Variants in VAX2 observed in about 807,000 individuals in gnomAD.
VAX2 encodes the protein ventral anterior homeobox 2.
VAX2 carries 8 observed loss-of-function variants against 12.5 expected under a neutral mutation model. The observed-to-expected ratio is 0.64, with a 90% CI of 0.37 to 1.15. The LOEUF is 1.15. VAX2 is among the 50% of genes most tolerant of loss of function. VAX2 has a pLI of 0.01. For missense variants in VAX2, 476 were observed against 412.9 expected (o/e 1.15, Z -1.32); for synonymous variants, 183 against 187.6 (o/e 0.98, Z 0.20).
chr2:70,933,005 C>T lies in VAX2; in HGVS notation c.674C>T (p.Ser225Phe). 1 of 1,599,192 alleles carries T rather than the reference C, an allele frequency of 6.3e-7. No homozygotes were observed. Among genetic ancestry groups the T allele is most frequent in the South Asian group, 1.1e-5 (1 of 89,286 alleles). ...ACCTCCTTAGGTGACCCCAGGAACT[C>T]CTCCCCACGCCTCAACCCGCTGTCC... is the stretch of plus-strand genomic sequence containing the variant. The part of the protein sequence containing the change: ...RGTSLGDPRN[S>F]SPRLNPLSSA... The change falls in exon 3 of 3, where the codon TCC (serine) becomes TTC (phenylalanine). Residue 225 changes from serine to phenylalanine, a missense_variant. By Grantham distance (155) the Ser-to-Phe change is radical (BLOSUM62 -2). Coordinates refer to ENST00000234392, the MANE Select transcript of VAX2 (RefSeq NM_012476.3).
chr2:70,933,445 A>C lies in VAX2; in HGVS notation c.*241A>C. Reference sequence around the variant, plus strand: ...AAAGGAAAACAATGACAAGAAGGGAAATGGTGCCCACAGCACAACTACTTA... The same window carrying C: ...AAAGGAAAACAATGACAAGAAGGGACATGGTGCCCACAGCACAACTACTTA... On this transcript the variant is annotated 3_prime_UTR_variant, in exon 3 of 3. Coordinates refer to ENST00000234392, the MANE Select transcript of VAX2 (RefSeq NM_012476.3). 2.6e-6 allele frequency: 1 copy of C among 388,482 alleles called. No homozygotes were observed. Among genetic ancestry groups the C allele is most frequent in the Non-Finnish European group, 4.5e-6 (1 of 221,154 alleles). 24.1% of individuals were successfully genotyped at this position (388,482 alleles called of 1,614,324 possible). A position where few individuals can be genotyped will look rare whatever the true frequency, so the allele number is the denominator to read the frequency against.
chr2:70,929,808 G>A (rs1209192767), intron 2 of VAX2, among the ~76,000 whole-genome samples: 2 of 144,874 alleles, frequency 1.4e-5, no homozygotes, highest in African/African-American at 5.0e-5. Flanking sequence ...CAAATCATTT[G>A]AGAAACACGG....
At chr2:70,912,415 A>C (rs1679205663) in intron 1 of VAX2, among the ~76,000 whole-genome samples, 1 of 152,144 alleles carries the variant, frequency 6.6e-6, no homozygotes. Flanking sequence ...TAATCCCAGC[A>C]CTTTGGGAGG....
rs200905563 is a variant in VAX2, at chr2:70,932,829, G to A, written c.498G>A (p.Glu166=). ...AGAAAGACCAGAGCAGAGACCTGGA[G>A]AAGCGGGCGTCCTCCTCAGCCTCCG... ...KQKKDQSRDL[E]KRASSSASEA... Residue 166 remains glutamate (E), a synonymous_variant, in exon 3 of 3, where the codon GAG becomes GAA. Coordinates refer to ENST00000234392, the MANE Select transcript of VAX2 (RefSeq NM_012476.3). 7.4e-6 allele frequency: 12 copies of A among 1,612,142 alleles called. No homozygotes were observed. In the Admixed American group the frequency reaches 1.7e-4, roughly 22 times the overall value.
chr2:70,912,336 G>T (rs1247714785), intron 1 of VAX2, among the ~76,000 whole-genome samples: 1 of 152,122 alleles, frequency 6.6e-6, no homozygotes. Flanking sequence ...ATTTGTAGGT[G>T]GGGGCAGGAA....
intron 2 of VAX2, among the ~76,000 whole-genome samples, chr2:70,923,207 CA>C (rs1679498012): frequency 6.6e-6 from 1 of 152,180 alleles, no homozygotes; most frequent in Non-Finnish European, 1.5e-5. Flanking sequence ...GTTCTCACTA[CA>C]ACCCTCCTTC....
In VAX2 at chr2:70,904,713, T is replaced by C. The variant is rs1339958762; in HGVS notation, c.247+3845T>C. Among the ~76,000 whole-genome samples the C allele has an allele frequency of 6.6e-6, 1 of 152,160 alleles. No homozygotes were observed. Among genetic ancestry groups the C allele is most frequent in the African/African-American group, 2.4e-5 (1 of 41,446 alleles). ...CCCCACCACCAGCAGCAAAAACGCT[T>C]TCACCCGGGAGCTGCATGGATGCGC... On this transcript the variant is annotated intron_variant, in intron 1 of 2. Coordinates refer to ENST00000234392, the MANE Select transcript of VAX2 (RefSeq NM_012476.3). This position sits in a 1 kb window ranked among gnomAD's most constrained non-coding sequence, Gnocchi z 4.2.
At chr2:70,927,329 A>G (rs1679596563) in intron 2 of VAX2, among the ~76,000 whole-genome samples, 1 of 151,836 alleles carries the variant, frequency 6.6e-6, no homozygotes, top group Non-Finnish European at 1.5e-5. Flanking sequence ...CCCAGGAGCC[A>G]GGTGGAGAAC....
intron 2 of VAX2, among the ~76,000 whole-genome samples, chr2:70,930,938 G>A (rs1679681447): frequency 6.6e-6 from 1 of 152,190 alleles, no homozygotes; most frequent in South Asian, 2.1e-4. Flanking sequence ...TGTTCCCAGG[G>A]AAACAAGTCT....
chr2:70,906,903 C>A (rs1249328372), intron 1 of VAX2, among the ~76,000 whole-genome samples: 7 of 152,188 alleles, frequency 4.6e-5, no homozygotes, highest in Admixed American at 4.6e-4. Context: ...CAGGCAAAGA[C>A]CACGTAGGAG....
At position 70,904,385 on chromosome 2, in the gene VAX2, A is replaced by G. The variant is rs1464648522; in HGVS notation, c.247+3517A>G. On this transcript the variant is annotated intron_variant, in intron 1 of 2. Coordinates refer to ENST00000234392, the MANE Select transcript of VAX2 (RefSeq NM_012476.3). This position sits in a 1 kb window ranked among gnomAD's most constrained non-coding sequence, Gnocchi z 4.2. ...GGACAACTCTGACCGCAGACTCCCT[A>G]CAACCCCGCGATCGATGCTCCACCT... 6.6e-6 allele frequency among the ~76,000 whole-genome samples: 1 copy of G among 152,182 alleles called. No individual in the cohort carries two copies. The highest frequency in any genetic ancestry group is 1.5e-5 in the Non-Finnish European group (1 of 68,028).
Position 70,912,669 on chromosome 2 carries a change from A to T in VAX2, c.248-8429A>T, listed in dbSNP as rs1336628194. ...AGAGTGAGACTCCGTTTCAAAAAAA[A>T]GTCAGCACATTATCAGCTTATCGTG... is the stretch of plus-strand genomic sequence containing the variant. On this transcript the variant is annotated intron_variant, in intron 1 of 2. Coordinates refer to ENST00000234392, the MANE Select transcript of VAX2 (RefSeq NM_012476.3). Among the ~76,000 whole-genome samples the T allele has an allele frequency of 5.3e-5, 8 of 152,170 alleles. 1 individual carries two copies. The South Asian group carries it at 1.2e-3, about 24-fold the overall frequency.
At chr2:70,903,036 C>T (rs531471884) in intron 1 of VAX2, among the ~76,000 whole-genome samples, 436 of 152,164 alleles carry the variant, frequency 2.9e-3, no homozygotes, top group Non-Finnish European at 4.9e-3. Flanking sequence ...GGGCCTGAAA[C>T]GCTCAGGATG....
At chr2:70,902,768 A>G (rs1332731327) in intron 1 of VAX2, among the ~76,000 whole-genome samples, 1 of 152,208 alleles carries the variant, frequency 6.6e-6, no homozygotes, top group Non-Finnish European at 1.5e-5. Flanking sequence ...AGGTGGGGCC[A>G]CCCAAGCTGG....
intron 1 of VAX2, among the ~76,000 whole-genome samples, chr2:70,913,924 T>G (rs1172653666): frequency 1.3e-5 from 2 of 152,240 alleles, no homozygotes; most frequent in African/African-American, 2.4e-5. Flanking sequence ...TTCTGTAACT[T>G]ACTTTCATAC....
At chr2:70,919,777 T>G (rs974152259) in intron 1 of VAX2, among the ~76,000 whole-genome samples, 1 of 152,158 alleles carries the variant, frequency 6.6e-6, no homozygotes, top group African/African-American at 2.4e-5. Flanking sequence ...GATTGAACCC[T>G]AGAGGTCGAG....
At chr2:70,901,378 A>C (rs1678920821) in intron 1 of VAX2, among the ~76,000 whole-genome samples, 1 of 152,198 alleles carries the variant, frequency 6.6e-6, no homozygotes, top group Non-Finnish European at 1.5e-5. Context: ...CGGATTGCCC[A>C]GGGGAGACGG....
rs200582274 is a variant in VAX2 at position 70,921,241 on chromosome 2, G to A, written c.391G>A (p.Glu131Lys). The A allele has an allele frequency of 7.4e-6, 12 of 1,613,104 alleles. No individual in the cohort carries two copies. In the East Asian group the frequency reaches 1.1e-4, roughly 15 times the overall value. Residue 131 changes from glutamate to lysine, a missense_variant, in exon 2 of 3, where the codon GAG becomes AAG. By Grantham distance (56) the Glu-to-Lys change is moderately conservative. Transcript: ENST00000234392. ...FQRCQYVVGR[E>K]RTELARQLNL... is the part of the protein sequence containing the mutation. ...GCGCTGCCAGTATGTGGTGGGCCGC[G>A]AGCGCACTGAGCTGGCCCGCCAGCT...
At chr2:70,921,653 A>G (rs1679461637) in intron 2 of VAX2, among the ~76,000 whole-genome samples, 1 of 151,992 alleles carries the variant, frequency 6.6e-6, no homozygotes, top group South Asian at 2.1e-4. Context: ...GGTTGGAAAT[A>G]ACGATTCTGG....
Sources: gnomAD v4.1 joint callset for allele counts (sites outside exome capture counted in the v4.1 genomes callset) on GRCh38, gnomAD v4.1.1 for gene constraint, Gnocchi (gnomAD v3.1) non-coding constraint, MANE v1.5 for transcripts, NCBI Gene and HGNC (gene_info 2026-07-23, HGNC 2026-07-21) for gene names.